Variants in ARHGAP21 observed in about 807,000 individuals in gnomAD.
The protein encoded by ARHGAP21 is Rho GTPase activating protein 21, also known as rho GTPase-activating protein 21.
ARHGAP21 carries 38 observed loss-of-function variants against 164.6 expected under a neutral mutation model. The ratio of observed to expected loss-of-function variants is 0.23; its 90% CI spans 0.18 to 0.30. The LOEUF (loss-of-function observed/expected upper bound fraction) is 0.30. Ranked by LOEUF, ARHGAP21 falls within the 10% of genes least tolerant of loss-of-function variation. The pLI is 1.00. For synonymous variants in ARHGAP21, 766 were observed against 857.9 expected (o/e 0.89, Z 1.87); for missense variants, 1,822 against 2,370.7 (o/e 0.77, Z 4.81).
At chr10:24,679,230 T>C (rs1307119098) in intron 2 of ARHGAP21, among the ~76,000 whole-genome samples, 2 of 152,230 alleles carry the variant, frequency 1.3e-5, no homozygotes, top group East Asian at 1.9e-4. Context: ...TTATTTCTCA[T>C]GGTTCTAGAG....
At chr10:24,634,571 C>T (rs1172494351) in intron 5 of ARHGAP21, among the ~76,000 whole-genome samples, 1 of 152,202 alleles carries the variant, frequency 6.6e-6, no homozygotes, top group Non-Finnish European at 1.5e-5. Context: ...GGCTTATGTT[C>T]CGCATTGGAG....
intron 14 of ARHGAP21, among the ~76,000 whole-genome samples, chr10:24,598,902 C>T (rs1016138680): frequency 2.0e-5 from 3 of 152,168 alleles, no homozygotes; most frequent in Non-Finnish European, 2.9e-5. Context: ...TATTTAGCCT[C>T]TCTTTGCCAC....
chr10:24,625,717 G>C (rs148367345), intron 7 of ARHGAP21, among the ~76,000 whole-genome samples: 16 of 152,190 alleles, frequency 1.1e-4, no homozygotes, highest in African/African-American at 3.4e-4. Context: ...ACTTAAATAG[G>C]ATATTGTACT....
At chr10:24,666,381 C>G (rs1188793720) in intron 4 of ARHGAP21, among the ~76,000 whole-genome samples, 1 of 152,160 alleles carries the variant, frequency 6.6e-6, no homozygotes, top group Non-Finnish European at 1.5e-5. Context: ...ATAAAGGATA[C>G]ATGAAAATTC....
intron 2 of ARHGAP21, among the ~76,000 whole-genome samples, chr10:24,681,023 G>A (rs1417238586): frequency 6.6e-6 from 1 of 152,052 alleles, no homozygotes; most frequent in Non-Finnish European, 1.5e-5. Flanking sequence ...CCAAAATAAA[G>A]ATTTAAAAAC....
chr10:24,601,303 T>C (rs1400586996), intron 13 of ARHGAP21, among the ~76,000 whole-genome samples: 1 of 152,238 alleles, frequency 6.6e-6, no homozygotes, highest in Admixed American at 6.5e-5. Flanking sequence ...AGCACACAAA[T>C]GACAGATACT....
chr10:24,624,100 G>C (rs1204560925), intron 7 of ARHGAP21, among the ~76,000 whole-genome samples: 3 of 152,064 alleles, frequency 2.0e-5, no homozygotes, highest in Admixed American at 2.0e-4. Flanking sequence ...GTTATCACAA[G>C]GGGCCCTGAA....
intron 2 of ARHGAP21, among the ~76,000 whole-genome samples, chr10:24,719,284 T>G (rs545095771): frequency 3.3e-5 from 5 of 152,342 alleles, no homozygotes. Context: ...TCCTAATTTC[T>G]TATTTGAAGA....
intron 4 of ARHGAP21, among the ~76,000 whole-genome samples, chr10:24,642,744 T>C (rs1837202995): frequency 6.6e-6 from 1 of 152,170 alleles, no homozygotes; most frequent in African/African-American, 2.4e-5. Context: ...AAAAATCATA[T>C]GAGAATCCTA....
chr10:24,688,153 G>A (rs1380537933), intron 2 of ARHGAP21, among the ~76,000 whole-genome samples: 1 of 152,200 alleles, frequency 6.6e-6, no homozygotes, highest in Admixed American at 6.5e-5. Flanking sequence ...CACTCTGGGA[G>A]GCCTAGGCGG....
At chr10:24,592,214 A>G (rs369212427) in intron 21 of ARHGAP21, among the ~76,000 whole-genome samples, 8 of 130,592 alleles carry the variant, frequency 6.1e-5, no homozygotes, top group African/African-American at 2.4e-4. Flanking sequence ...CCCAGGCTGC[A>G]GTGCAGTGGC....
chr10:24,689,532 G>A (rs1303837110), intron 2 of ARHGAP21, among the ~76,000 whole-genome samples: 2 of 152,024 alleles, frequency 1.3e-5, no homozygotes, highest in African/African-American at 4.8e-5. Context: ...CAGAGCCCAG[G>A]AATTCAAGAC....
Position 24,616,904 on chromosome 10 carries a change from A to G in ARHGAP21, c.2422+2569T>C, listed in dbSNP as rs139359854. Among the ~76,000 whole-genome samples, 829 of 152,294 alleles carry G rather than the reference A, an allele frequency of 5.4e-3. 7 individuals are homozygous for G. The highest frequency in any genetic ancestry group is 0.019 in the African/African-American group (802 of 41,562). The stretch of plus-strand genomic sequence containing the variant: ...GGGAACAGTAAACAAAATACTGTTA[A>G]TGAGTAATATTCCAAATTTAAAAAC... On this transcript the variant is annotated intron_variant, in intron 9 of 25. Transcript: ENST00000396432.
chr10:24,597,840 G>C, intron 15 of ARHGAP21, 105 bp downstream of exon 15: 1 of 1,276,100 alleles, frequency 7.8e-7, no homozygotes, highest in Admixed American at 2.0e-5. Context: ...ACTATCTGCG[G>C]TTTCAAGCAT....
intron 7 of ARHGAP21, among the ~76,000 whole-genome samples, chr10:24,627,841 A>C (rs1206519411): frequency 6.6e-6 from 1 of 152,194 alleles, no homozygotes. Flanking sequence ...TTCATCAATC[A>C]CACTGCAGGA....
chr10:24,699,100 G>C (rs993177968), intron 2 of ARHGAP21, among the ~76,000 whole-genome samples: 3 of 152,098 alleles, frequency 2.0e-5, no homozygotes, highest in Admixed American at 2.0e-4. Flanking sequence ...TCAATCTTTA[G>C]CTCTTCAGTA....
At chr10:24,641,854 G>A (rs558696654) in intron 4 of ARHGAP21, among the ~76,000 whole-genome samples, 59 of 152,098 alleles carry the variant, frequency 3.9e-4, no homozygotes, top group African/African-American at 1.3e-3. Context: ...AAAATTAGCC[G>A]GGCATTGTGG....
chr10:24,643,044 C>T (rs1010512428), intron 4 of ARHGAP21, among the ~76,000 whole-genome samples: 2 of 152,158 alleles, frequency 1.3e-5, no homozygotes, highest in Admixed American at 1.3e-4. Flanking sequence ...GAAAATGCTG[C>T]CACTCAACAG....
chr10:24,644,848 A>C (rs1160312921), intron 4 of ARHGAP21, among the ~76,000 whole-genome samples: 2 of 152,162 alleles, frequency 1.3e-5, no homozygotes, highest in Admixed American at 6.5e-5. Context: ...AGACTTAATT[A>C]TAACATATAA....
Sources: gnomAD v4.1 joint callset for allele counts (sites outside exome capture counted in the v4.1 genomes callset) on GRCh38, gnomAD v4.1.1 for gene constraint, MANE v1.5 for transcripts, NCBI Gene and HGNC (gene_info 2026-07-23, HGNC 2026-07-21) for gene names.